Variants in BOC observed in about 807,000 individuals in gnomAD.
The protein encoded by BOC is BOC cell adhesion associated, oncogene regulated.
Under a neutral mutation model 112.0 loss-of-function variants are expected in BOC, and 76 were observed. The ratio of observed to expected loss-of-function variants is 0.68; its 90% CI spans 0.56 to 0.82. The LOEUF (loss-of-function observed/expected upper bound fraction) is 0.82, where lower values mean the gene tolerates loss of function less well. BOC is among the 40% of genes least tolerant of loss of function. The pLI is 0.00. For synonymous variants in BOC, 580 were observed against 599.8 expected (o/e 0.97, Z 0.48); for missense variants, 1,309 against 1,511.7 (o/e 0.87, Z 2.22).
In BOC at chr3:113,274,110, G is replaced by A. The variant is rs543472231; in HGVS notation, c.1235-265G>A. Among the ~76,000 whole-genome samples the A allele has an allele frequency of 1.1e-4, 17 of 152,298 alleles. No individual in the cohort carries two copies. The highest frequency in any genetic ancestry group is 3.4e-4 in the African/African-American group (14 of 41,566). On this transcript the variant is annotated intron_variant, in intron 8 of 19. Coordinates refer to ENST00000682979, the MANE Select transcript of BOC (RefSeq NM_001378074.1). The surrounding 1 kb of genome is among the most constrained non-coding windows in gnomAD (Gnocchi z 4.8). ...TTAGTTCACTGGAGATGCACCTCAC[G>A]TGGATTCAGGAGTTTGCTTGCCATA...
chr3:113,258,478 C>T (rs1946469668), intron 4 of BOC, among the ~76,000 whole-genome samples: 1 of 152,184 alleles, frequency 6.6e-6, no homozygotes, highest in Non-Finnish European at 1.5e-5. Flanking sequence ...TTCCAGTACT[C>T]CCCACTTCCG....
chr3:113,241,734 GCCCC>G (rs770601679), intron 2 of BOC, among the ~76,000 whole-genome samples: 1 of 152,202 alleles, frequency 6.6e-6, no homozygotes. Flanking sequence ...GGGCAACACA[GCCCC>G]CATATGGCAA....
intron 4 of BOC, among the ~76,000 whole-genome samples, chr3:113,262,530 C>T (rs540977112): frequency 6.6e-6 from 1 of 152,236 alleles, no homozygotes; most frequent in South Asian, 2.1e-4. Context: ...GGTCTATGTG[C>T]CAGGGCTAAA....
At chr3:113,279,538 C>A in intron 12 of BOC, 83 bp downstream of exon 12, 1 of 1,362,646 alleles carries the variant, frequency 7.3e-7, no homozygotes, top group Non-Finnish European at 1.0e-6. Flanking sequence ...AGCCTGGGAT[C>A]CCCTTCTCTC....
chr3:113,286,531 C>T (rs953565097), intron 19 of BOC, 144 bp from the exon 20 acceptor site: 1 of 724,582 alleles, frequency 1.4e-6, no homozygotes, highest in Non-Finnish European at 2.2e-6. Context: ...AACAGAAGTG[C>T]CCTTGTCTCG....
At chr3:113,286,461 G>A (rs1204720273) in intron 19 of BOC, among the ~76,000 whole-genome samples, 2 of 152,154 alleles carry the variant, frequency 1.3e-5, no homozygotes, top group Non-Finnish European at 2.9e-5. Context: ...TACAGTCCCA[G>A]CATGAGTGGG....
chr3:113,272,835 T>G, intron 7 of BOC, 132 bp downstream of exon 7: 2 of 1,198,470 alleles, frequency 1.7e-6, no homozygotes, highest in Non-Finnish European at 2.3e-6. Flanking sequence ...GGAACAGGCA[T>G]GCTGAAGAGT....
chr3:113,221,019 T>C (rs973898671), intron 2 of BOC, among the ~76,000 whole-genome samples: 6 of 152,030 alleles, frequency 3.9e-5, no homozygotes, highest in Admixed American at 2.0e-4. Context: ...AAGTTTGAGA[T>C]TGTGCAGCAT....
chr3:113,238,618 A>G (rs564477957), intron 2 of BOC, among the ~76,000 whole-genome samples: 1 of 152,348 alleles, frequency 6.6e-6, no homozygotes, highest in South Asian at 2.1e-4. Flanking sequence ...GCCATAATTT[A>G]CAGAAAGCAG....
Position 113,211,828 on chromosome 3 carries a change from C to T in BOC, c.-358C>T. 6.5e-6 allele frequency: 1 copy of T among 152,814 alleles called. No individual in the cohort carries two copies. The highest frequency in any genetic ancestry group is 1.5e-5 in the Non-Finnish European group (1 of 68,452). 9.5% of individuals were successfully genotyped at this position (152,814 alleles called of 1,614,324 possible). A position where few individuals can be genotyped will look rare whatever the true frequency, so the allele number is the denominator to read the frequency against. On this transcript the variant is annotated 5_prime_UTR_variant, in exon 1 of 20. Transcript: ENST00000682979. The stretch of plus-strand genomic sequence containing the variant: ...CACGCCCGCACGCGCCCTCCCTCTC[C>T]GGCCCGCAACTTCTCGGTCCTCGGC...
chr3:113,281,684 G>C (rs1276264246), intron 15 of BOC, among the ~76,000 whole-genome samples: 1 of 152,220 alleles, frequency 6.6e-6, no homozygotes, highest in Non-Finnish European at 1.5e-5. Context: ...GTCAGATGGG[G>C]AGATAGCATT....
chr3:113,244,982 A>C (rs982044582), intron 2 of BOC, among the ~76,000 whole-genome samples: 1 of 152,174 alleles, frequency 6.6e-6, no homozygotes, highest in African/African-American at 2.4e-5. Flanking sequence ...CTTGTAGCCC[A>C]AAGTCTCCCT....
intron 4 of BOC, among the ~76,000 whole-genome samples, chr3:113,266,166 G>A (rs951904157): frequency 8.5e-5 from 13 of 152,348 alleles, no homozygotes; most frequent in African/African-American, 3.1e-4. Flanking sequence ...AAAGTGAAAT[G>A]GGGCAATAGA....
chr3:113,253,801 G>C (rs1251989861), intron 4 of BOC, among the ~76,000 whole-genome samples: 1 of 152,124 alleles, frequency 6.6e-6, no homozygotes, highest in Non-Finnish European at 1.5e-5. Context: ...GGCCTTTCCA[G>C]TTGTTGATTA....
At chr3:113,279,527 G>A (rs1188412858) in intron 12 of BOC, 72 bp downstream of exon 12, 66 of 1,445,614 alleles carry the variant, frequency 4.6e-5, no homozygotes, top group South Asian at 1.7e-4. Flanking sequence ...GGAGGATGAC[G>A]AGCCTGGGAT....
intron 2 of BOC, among the ~76,000 whole-genome samples, chr3:113,224,974 G>A (rs1479056292): frequency 2.0e-5 from 3 of 152,186 alleles, no homozygotes; most frequent in African/African-American, 2.4e-5. Context: ...CTACTCGGGA[G>A]GCTGAGGCAG....
intron 2 of BOC, among the ~76,000 whole-genome samples, chr3:113,237,511 C>T (rs1013101499): frequency 5.3e-5 from 8 of 152,160 alleles, no homozygotes; most frequent in East Asian, 3.9e-4. Flanking sequence ...GGCTATAGGA[C>T]GCCTGAAGCC....
intron 16 of BOC, 118 bp from the exon 17 acceptor site, chr3:113,284,217 C>A: frequency 1.2e-6 from 1 of 820,600 alleles, no homozygotes. Flanking sequence ...CTGTCAACTC[C>A]CTGCCTACGT....
In BOC at chr3:113,249,736, C is replaced by T. The variant is rs547165003; in HGVS notation, c.-67C>T. The T allele has an allele frequency of 4.8e-5, 63 of 1,319,528 alleles. No individual in the cohort carries two copies. The highest frequency in any genetic ancestry group is 3.5e-4 in the South Asian group (27 of 77,532). The allele number at this position is 1,319,528 out of a possible 1,614,324, so 81.7% of individuals were successfully genotyped here. On this transcript the variant is annotated 5_prime_UTR_variant, in exon 3 of 20. The change creates a new upstream start codon in the 5' untranslated region. Transcript: ENST00000682979. ...TCTTACAACAGAGTGTTGCCAGGGACGGCAGTATCTCTTTGTGTGACCCTG... is the reference window on the plus strand; with the variant it reads ...TCTTACAACAGAGTGTTGCCAGGGATGGCAGTATCTCTTTGTGTGACCCTG...
Sources: allele counts gnomAD v4.1 joint callset (sites outside exome capture counted in the v4.1 genomes callset), GRCh38; gene constraint gnomAD v4.1.1; non-coding constraint Gnocchi (gnomAD v3.1); transcripts MANE v1.5; gene names NCBI Gene and HGNC (gene_info 2026-07-23, HGNC 2026-07-21).